The following SP140L variants were observed in gnomAD, a reference collection of about 807,000 sequenced individuals.
The protein encoded by SP140L is nuclear body protein SP140-like protein.
A neutral mutation model predicts 84.3 loss-of-function variants in SP140L; 64 were observed. The observed-to-expected ratio is 0.76, with a 90% CI of 0.62 to 0.94. The LOEUF (loss-of-function observed/expected upper bound fraction) is 0.94, where lower values mean the gene tolerates loss of function less well. SP140L is among the 40% of genes least tolerant of loss of function. SP140L has a pLI of 0.00. For synonymous variants in SP140L, 242 were observed against 236.9 expected (o/e 1.02, Z -0.20); for missense variants, 628 against 692.5 (o/e 0.91, Z 1.05).
chr2:230,396,803 G>C lies in SP140L; in HGVS notation c.1197+5G>C, dbSNP rs778724387. 5.0e-6 allele frequency: 8 copies of C among 1,613,784 alleles called. No individual in the cohort carries two copies. The highest frequency in any genetic ancestry group is 5.1e-6 in the Non-Finnish European group (6 of 1,179,864). ...AATAGCTCAGTTGACCCTTGTGTAA[G>C]TATAAATTCTGAACTACAACCCCCA... On this transcript the variant is annotated splice_donor_5th_base_variant and intron_variant, in intron 14 of 18. Transcript: ENST00000415673.
Position 230,383,623 on chromosome 2 carries a change from G to A in SP140L, c.703+48G>A, listed in dbSNP as rs377061265. 70 of 1,547,528 alleles carry A rather than the reference G, an allele frequency of 4.5e-5. No homozygotes were observed. The East Asian group carries it at 7.5e-4, about 17-fold the overall frequency. The stretch of plus-strand genomic sequence containing the variant: ...TTACAGCTTTTGAGTTTATTAAGGC[G>A]CTGTCCATTGTATTCTGGAAGGCCT... On this transcript the variant is annotated intron_variant, in intron 8 of 18. Transcript: ENST00000415673.
In SP140L at chr2:230,402,907, G is replaced by A. The variant is rs370111999; in HGVS notation, c.*11G>A. On this transcript the variant is annotated 3_prime_UTR_variant, in exon 19 of 19. Transcript: ENST00000415673. ...AATGGGAACAGTTGACTGGTTTAGT[G>A]GATGCTGAAGGCCTTCAGGAAATAT... The A allele has an allele frequency of 1.4e-5, 22 of 1,595,208 alleles. No homozygotes were observed. The African/African-American group carries it at 2.8e-4, about 21-fold the overall frequency.
chr2:230,390,753 C>A (rs2061767070), intron 11 of SP140L, among the ~76,000 whole-genome samples: 1 of 152,034 alleles, frequency 6.6e-6, no homozygotes, highest in African/African-American at 2.4e-5. Flanking sequence ...ATGTAACTCA[C>A]CACTTAGAGT....
Position 230,345,399 on chromosome 2 carries a change from C to T in SP140L, c.108-12406C>T, listed in dbSNP as rs549826024. On this transcript the variant is annotated intron_variant, in intron 2 of 18. Transcript: ENST00000415673. ...CAGCCTACATGTGTTCTTAAACCTACCATGAGTCTCTTACATGCAGCAACT... is the reference window on the plus strand; with the variant it reads ...CAGCCTACATGTGTTCTTAAACCTATCATGAGTCTCTTACATGCAGCAACT... Among the ~76,000 whole-genome samples, 7 of 152,272 alleles carry T rather than the reference C, an allele frequency of 4.6e-5. No homozygotes were observed. In the South Asian group the frequency reaches 1.2e-3, roughly 27 times the overall value.
At chr2:230,328,704 C>G in intron 1 of SP140L, 53 bp from the exon 2 acceptor site, 1 of 1,583,524 alleles carries the variant, frequency 6.3e-7, no homozygotes, top group Non-Finnish European at 8.6e-7. Context: ...ATTGTTGAAG[C>G]AAAGGGTGCT....
At chr2:230,396,273 T>C (rs1030811665) in intron 13 of SP140L, among the ~76,000 whole-genome samples, 3 of 152,114 alleles carry the variant, frequency 2.0e-5, no homozygotes, top group Admixed American at 6.5e-5. Context: ...AGTAGATATA[T>C]AGGTCCAAAA....
At chr2:230,397,165 A>G (rs2062088858) in intron 14 of SP140L, among the ~76,000 whole-genome samples, 1 of 152,224 alleles carries the variant, frequency 6.6e-6, no homozygotes, top group South Asian at 2.1e-4. Flanking sequence ...TGAGAGGATA[A>G]CAGCATTCTC....
At position 230,352,143 on chromosome 2, in the gene SP140L, A is replaced by G. The variant is rs143139015; in HGVS notation, c.108-5662A>G. ...ATACCTTTAAGATGTTTATAAATAT[A>G]TACATGTGTATTTGCTATTTAGTCT... On this transcript the variant is annotated intron_variant, in intron 2 of 18. Coordinates refer to ENST00000415673, the MANE Select transcript of SP140L (RefSeq NM_138402.6). Among the ~76,000 whole-genome samples, 68 of 152,316 alleles carry G rather than the reference A, an allele frequency of 4.5e-4. 1 individual carries two copies. The highest frequency in any genetic ancestry group is 1.4e-3 in the African/African-American group (58 of 41,564).
At chr2:230,398,669 C>T (rs529163684) in intron 14 of SP140L, among the ~76,000 whole-genome samples, 16 of 152,298 alleles carry the variant, frequency 1.1e-4, no homozygotes, top group African/African-American at 3.1e-4. Flanking sequence ...ATCCAGATCA[C>T]GGGAGAAGGA....
intron 2 of SP140L, among the ~76,000 whole-genome samples, chr2:230,342,332 T>A (rs1319637498): frequency 6.6e-6 from 1 of 152,238 alleles, no homozygotes; most frequent in Non-Finnish European, 1.5e-5. Flanking sequence ...AGTGAGGCAA[T>A]GCCTCGCCCT....
chr2:230,354,880 A>AGAAAGAAAGAAAG (rs2060484144), intron 2 of SP140L, among the ~76,000 whole-genome samples: 1 of 140,518 alleles, frequency 7.1e-6, no homozygotes, highest in South Asian at 2.3e-4. Context: ...AAAGAAAGAA[A>AGAAAGAAAGAAAG]GAAAGAAAGA....
Position 230,403,219 on chromosome 2 carries a change from T to TAA in SP140L, c.*323_*324insAA. The TAA allele has an allele frequency of 4.8e-6, 1 of 210,364 alleles. No individual in the cohort carries two copies. The highest frequency in any genetic ancestry group is 9.3e-6 in the Non-Finnish European group (1 of 107,076). The allele number at this position is 210,364 out of a possible 1,614,324, so 13.0% of individuals were successfully genotyped here. ...AAGACCTTTTTCCTCCGTTTTTTTTTTGAGATGGAGTCTCACACAGTCACC... is the reference window on the plus strand; with the variant it reads ...AAGACCTTTTTCCTCCGTTTTTTTTTAATGAGATGGAGTCTCACACAGTCACC... On this transcript the variant is annotated 3_prime_UTR_variant, in exon 19 of 19. Transcript: ENST00000415673.
chr2:230,381,434 G>T (rs2061402071), intron 7 of SP140L, among the ~76,000 whole-genome samples: 1 of 152,150 alleles, frequency 6.6e-6, no homozygotes, highest in Non-Finnish European at 1.5e-5. Flanking sequence ...ATGGAGAATA[G>T]CTTCTCAACA....
intron 4 of SP140L, among the ~76,000 whole-genome samples, chr2:230,360,861 T>A (rs994169264): frequency 3.9e-5 from 6 of 152,200 alleles, no homozygotes; most frequent in African/African-American, 1.2e-4. Context: ...TGGGAACTGT[T>A]CATCCTCCCT....
intron 13 of SP140L, 63 bp downstream of exon 13, chr2:230,393,524 T>C: frequency 6.8e-7 from 1 of 1,480,266 alleles, no homozygotes; most frequent in Non-Finnish European, 8.9e-7. Context: ...GTACAACATC[T>C]TATTTTATGG....
At chr2:230,327,977 G>T (rs1297348638) in intron 1 of SP140L, among the ~76,000 whole-genome samples, 3 of 152,202 alleles carry the variant, frequency 2.0e-5, no homozygotes, top group Admixed American at 6.5e-5. Context: ...CAAGATGGGG[G>T]ATGCCTCTGA....
chr2:230,357,385 A>C (rs117202002), intron 2 of SP140L, among the ~76,000 whole-genome samples: 2 of 152,182 alleles, frequency 1.3e-5, no homozygotes, highest in East Asian at 3.9e-4. Context: ...TATTTTGTCA[A>C]ATTCTCTCAG....
chr2:230,334,616 A>G (rs561246975), intron 2 of SP140L, among the ~76,000 whole-genome samples: 50 of 152,250 alleles, frequency 3.3e-4, no homozygotes, highest in African/African-American at 1.2e-3. Flanking sequence ...ATTTTGCCTT[A>G]TGTGTTTTTA....
chr2:230,391,458 C>G (rs2061801880), intron 11 of SP140L, among the ~76,000 whole-genome samples: 1 of 152,146 alleles, frequency 6.6e-6, no homozygotes, highest in Non-Finnish European at 1.5e-5. Context: ...CTTTGCATTT[C>G]CCTAATGGCT....
Sources: allele counts gnomAD v4.1 joint callset (sites outside exome capture counted in the v4.1 genomes callset), GRCh38; gene constraint gnomAD v4.1.1; transcripts MANE v1.5; gene names NCBI Gene and HGNC (gene_info 2026-07-23, HGNC 2026-07-21).